DAB1: variants seen among roughly 807,000 people sequenced by gnomAD.
DAB1 encodes disabled homolog 1.
DAB1 carries 15 observed loss-of-function variants against 64.6 expected under a neutral mutation model. The ratio of observed to expected loss-of-function variants is 0.23; its 90% CI spans 0.16 to 0.36. The LOEUF (loss-of-function observed/expected upper bound fraction) is 0.36, where lower values mean the gene tolerates loss of function less well. Among genes scored for constraint, DAB1 ranks in the 10% least tolerant of loss-of-function variants. The pLI, the probability that DAB1 is intolerant of heterozygous loss-of-function variation, is 1.00. For synonymous variants in DAB1, 235 were observed against 251.9 expected (o/e 0.93, Z 0.64); for missense variants, 596 against 706.7 (o/e 0.84, Z 1.78).
chr1:58,113,952 T>A lies in DAB1; in HGVS notation n.387+36559A>T, dbSNP rs896989535. On this transcript the variant is annotated intron_variant and non_coding_transcript_variant, in intron 5 of 20. Transcript: ENST00000485760. ...TGAGAGACACAAGATTGCTCTCTTA[T>A]AAGTTAATTTCTGGCCAGGTACAAT... Among the ~76,000 whole-genome samples the A allele has an allele frequency of 2.0e-5, 3 of 152,048 alleles. No individual in the cohort carries two copies. The South Asian group carries it at 6.2e-4, about 32-fold the overall frequency.
chr1:57,277,536 C>G (rs1180060451), intron 2 of DAB1, among the ~76,000 whole-genome samples: 1 of 152,110 alleles, frequency 6.6e-6, no homozygotes, highest in Non-Finnish European at 1.5e-5. Context: ...TGCACGATTC[C>G]CACCTGCTAT....
At chr1:57,892,038 T>C (rs528884139) in intron 5 of DAB1, among the ~76,000 whole-genome samples, 112 of 152,312 alleles carry the variant, frequency 7.4e-4, no homozygotes, top group African/African-American at 2.6e-3. Flanking sequence ...AACTGCATTC[T>C]CAATCCTTAG....
intron 7 of DAB1, among the ~76,000 whole-genome samples, chr1:57,592,944 T>A (rs536030066): frequency 6.6e-6 from 1 of 152,188 alleles, no homozygotes; most frequent in South Asian, 2.1e-4. Flanking sequence ...CCTGTCTCTA[T>A]ATGTAGTCAC....
chr1:57,056,730 GGT>G (rs1223963268), intron 9 of DAB1, among the ~76,000 whole-genome samples: 2 of 151,898 alleles, frequency 1.3e-5, no homozygotes, highest in Non-Finnish European at 2.9e-5. Flanking sequence ...CAGGCGTAGT[GGT>G]GCACGCCTGC....
intron 1 of DAB1, among the ~76,000 whole-genome samples, chr1:57,414,011 T>C (rs1684313874): frequency 6.6e-6 from 1 of 152,200 alleles, no homozygotes; most frequent in Non-Finnish European, 1.5e-5. Flanking sequence ...AAGGAGTTAC[T>C]TCTTATGGAT....
intron 1 of DAB1, among the ~76,000 whole-genome samples, chr1:58,542,777 C>T (rs7544780): frequency 1.5e-3 from 225 of 152,178 alleles, no homozygotes; most frequent in Non-Finnish European, 2.3e-3. Context: ...CTTACAGCCT[C>T]ATTTTAGGGG....
At chr1:57,493,779 C>A (rs1474642181) in intron 7 of DAB1, among the ~76,000 whole-genome samples, 3 of 152,126 alleles carry the variant, frequency 2.0e-5, no homozygotes, top group South Asian at 4.1e-4. Context: ...CACACACACA[C>A]ACACACACAC....
At chr1:57,540,099 C>G (rs942261432) in intron 7 of DAB1, among the ~76,000 whole-genome samples, 12 of 152,132 alleles carry the variant, frequency 7.9e-5, no homozygotes, top group African/African-American at 2.9e-4. Context: ...CAAGCTCTGG[C>G]CCACGATTTT....
At chr1:58,146,170 T>G (rs1654580784) in intron 5 of DAB1, among the ~76,000 whole-genome samples, 1 of 152,200 alleles carries the variant, frequency 6.6e-6, no homozygotes, top group East Asian at 1.9e-4. Context: ...TGGTCAACAG[T>G]AGGTTATTAG....
chr1:57,518,435 TA>T, intron 7 of DAB1, among the ~76,000 whole-genome samples: 1 of 152,010 alleles, frequency 6.6e-6, no homozygotes, highest in East Asian at 1.9e-4. Context: ...TAGAAATAAA[TA>T]AAATAAAATA....
intron 1 of DAB1, chr1:57,876,051 C>T (rs1644040268): frequency 6.6e-6 from 1 of 152,168 alleles, no homozygotes; most frequent in Admixed American, 6.5e-5. Context: ...AGTGACCAGC[C>T]TCGAATTTGG....
intron 3 of DAB1, among the ~76,000 whole-genome samples, chr1:58,411,245 T>C (rs780778063): frequency 2.6e-5 from 4 of 152,158 alleles, no homozygotes; most frequent in Non-Finnish European, 5.9e-5. Flanking sequence ...TACTTAAACA[T>C]AGTAGTTAAG....
intron 7 of DAB1, among the ~76,000 whole-genome samples, chr1:57,458,424 A>G (rs775868141): frequency 9.9e-5 from 15 of 152,054 alleles, no homozygotes; most frequent in Non-Finnish European, 1.5e-4. Context: ...GTGTGATAGC[A>G]ACAGGTAAAT....
At chr1:58,061,387 T>C (rs1557632500) in intron 5 of DAB1, among the ~76,000 whole-genome samples, 1 of 152,216 alleles carries the variant, frequency 6.6e-6, no homozygotes, top group Non-Finnish European at 1.5e-5. Context: ...CTGAGGGCTG[T>C]GAGATGAATC....
chr1:57,079,467 A>G (rs1570651328), intron 4 of DAB1, among the ~76,000 whole-genome samples: 1 of 152,004 alleles, frequency 6.6e-6, no homozygotes, highest in South Asian at 2.1e-4. Flanking sequence ...TTCCTCATCC[A>G]CTTATGCTGG....
chr1:57,825,628 CTTCA>C (rs1652315578), downstream of DAB1, among the ~76,000 whole-genome samples: 1 of 152,158 alleles, frequency 6.6e-6, no homozygotes, highest in African/African-American at 2.4e-5. Context: ...ACCCTTTATT[CTTCA>C]TTCATTCACT....
chr1:58,474,087 C>T (rs1467736324), intron 3 of DAB1: 1 of 460,176 alleles, frequency 2.2e-6, no homozygotes, highest in Non-Finnish European at 4.2e-6. Flanking sequence ...ACCAATAAAG[C>T]ATCAAGCATT....
intron 9 of DAB1, among the ~76,000 whole-genome samples, chr1:57,043,185 TC>T (rs1648020418): frequency 6.6e-6 from 1 of 152,162 alleles, no homozygotes; most frequent in African/African-American, 2.4e-5. Context: ...CAATATCTGA[TC>T]AGGACCATTT....
chr1:57,678,740 C>T (rs896771423), intron 6 of DAB1, among the ~76,000 whole-genome samples: 1 of 149,226 alleles, frequency 6.7e-6, no homozygotes, highest in Non-Finnish European at 1.5e-5. Flanking sequence ...TCTTCTCTGG[C>T]ATTCGTCCAG....
Sources: gnomAD v4.1 joint callset for allele counts (sites outside exome capture counted in the v4.1 genomes callset) on GRCh38, gnomAD v4.1.1 for gene constraint, MANE v1.5 for transcripts, NCBI Gene and HGNC (gene_info 2026-07-23, HGNC 2026-07-21) for gene names.